TAOK3: variants seen among roughly 807,000 people sequenced by gnomAD.
TAOK3 encodes TAO kinase 3.
TAOK3 carries 40 observed loss-of-function variants against 120.4 expected under a neutral mutation model. The observed-to-expected ratio is 0.33, with a 90% CI of 0.26 to 0.43. The LOEUF is 0.43. TAOK3 is among the 20% of genes least tolerant of loss of function. The pLI, the probability that TAOK3 is intolerant of heterozygous loss-of-function variation, is 1.00. For missense variants in TAOK3, 821 were observed against 1,112.1 expected (o/e 0.74, Z 3.72); for synonymous variants, 355 against 387.5 (o/e 0.92, Z 0.99).
At chr12:118,251,146 A>G (rs1566015125) in intron 3 of TAOK3, among the ~76,000 whole-genome samples, 1 of 152,202 alleles carries the variant, frequency 6.6e-6, no homozygotes, top group Non-Finnish European at 1.5e-5. Context: ...TTTCAAGCTC[A>G]TCGAGGTATG....
chr12:118,167,920 T>A (rs1238811032), intron 17 of TAOK3, among the ~76,000 whole-genome samples: 1 of 152,160 alleles, frequency 6.6e-6, no homozygotes, highest in Admixed American at 6.6e-5. Flanking sequence ...GCTCTTCATG[T>A]TTTCCCGCTC....
At chr12:118,247,761 C>T (rs753413010) in intron 3 of TAOK3, among the ~76,000 whole-genome samples, 15 of 152,118 alleles carry the variant, frequency 9.9e-5, no homozygotes, top group Admixed American at 2.6e-4. Context: ...GTAATCCGCC[C>T]GCATCAGCCT....
At chr12:118,337,460 C>T (rs780644680) in intron 1 of TAOK3, among the ~76,000 whole-genome samples, 6 of 152,146 alleles carry the variant, frequency 3.9e-5, no homozygotes, top group African/African-American at 9.7e-5. Flanking sequence ...AAAACTTGTA[C>T]GAGAATGTTC....
At chr12:118,195,112 G>A (rs573680095) in intron 13 of TAOK3, among the ~76,000 whole-genome samples, 26 of 151,950 alleles carry the variant, frequency 1.7e-4, no homozygotes, top group Middle Eastern at 3.4e-3. Flanking sequence ...ATGAAGTGTT[G>A]TCCCATTAAA....
At chr12:118,229,359 C>G (rs2039658598) in intron 9 of TAOK3, among the ~76,000 whole-genome samples, 1 of 152,112 alleles carries the variant, frequency 6.6e-6, no homozygotes, top group African/African-American at 2.4e-5. Flanking sequence ...CTTGGCCGCC[C>G]AAAGTGCTGG....
intron 10 of TAOK3, among the ~76,000 whole-genome samples, chr12:118,213,523 C>T (rs2038732759): frequency 6.6e-6 from 1 of 151,660 alleles, no homozygotes; most frequent in Non-Finnish European, 1.5e-5. Flanking sequence ...TCTTGTGGCC[C>T]AAATAGTTAT....
intron 1 of TAOK3, among the ~76,000 whole-genome samples, chr12:118,275,641 C>T (rs533806385): frequency 7.2e-5 from 11 of 152,158 alleles, no homozygotes; most frequent in Non-Finnish European, 1.5e-4. Context: ...CTCATTTATT[C>T]ATGTATCATT....
chr12:118,169,298 G>GC, intron 17 of TAOK3, among the ~76,000 whole-genome samples: 1 of 139,180 alleles, frequency 7.2e-6, no homozygotes, highest in African/African-American at 2.8e-5. Context: ...ACAGGCGTGA[G>GC]CCACCACGCC....
chr12:118,323,124 A>G (rs542012911), intron 1 of TAOK3, among the ~76,000 whole-genome samples: 18 of 152,282 alleles, frequency 1.2e-4, no homozygotes, highest in African/African-American at 4.3e-4. Context: ...TCCCATAAAC[A>G]GCTAGGTATA....
chr12:118,172,183 C>T (rs1157213688), intron 17 of TAOK3, among the ~76,000 whole-genome samples: 5 of 152,196 alleles, frequency 3.3e-5, no homozygotes, highest in Non-Finnish European at 7.4e-5. Context: ...TCTTTTGATT[C>T]TTCATTGTGT....
intron 13 of TAOK3, among the ~76,000 whole-genome samples, chr12:118,193,496 A>G (rs2037545674): frequency 1.3e-5 from 2 of 152,246 alleles, no homozygotes; most frequent in African/African-American, 4.8e-5. Context: ...CTTTACTATT[A>G]TACCTTAGAC....
At position 118,161,208 on chromosome 12, in the gene TAOK3, A is replaced by G. The variant is rs2035198297; in HGVS notation, c.2139+580T>C. On this transcript the variant is annotated intron_variant, in intron 18 of 20. Transcript: ENST00000392533. The surrounding 1 kb of genome is among the most constrained non-coding windows in gnomAD (Gnocchi z 4.5). Reference sequence around the variant, plus strand: ...GACAACGTCCTCCCGGATATATAGCAATGGCTTAGTACACAGAGCTTGTTA... The same window carrying G: ...GACAACGTCCTCCCGGATATATAGCGATGGCTTAGTACACAGAGCTTGTTA... 6.6e-6 allele frequency among the ~76,000 whole-genome samples: 1 copy of G among 152,234 alleles called. No individual in the cohort carries two copies. The highest frequency in any genetic ancestry group is 1.5e-5 in the Non-Finnish European group (1 of 68,036).
intron 1 of TAOK3, among the ~76,000 whole-genome samples, chr12:118,276,842 T>G (rs1426491005): frequency 6.6e-6 from 1 of 151,796 alleles, no homozygotes; most frequent in Non-Finnish European, 1.5e-5. Flanking sequence ...CCGTGTCTAC[T>G]AAAAATACAA....
intron 5 of TAOK3, 120 bp from the exon 6 acceptor site, chr12:118,239,392 G>C: frequency 1.7e-6 from 1 of 584,440 alleles, no homozygotes. Context: ...TGATCTACCC[G>C]AACTTGGACT....
At chr12:118,153,050 G>C (rs2034562635) in intron 19 of TAOK3, among the ~76,000 whole-genome samples, 1 of 152,124 alleles carries the variant, frequency 6.6e-6, no homozygotes. Flanking sequence ...AAGTAGTAAT[G>C]TTGGCACCTA....
At chr12:118,234,412 T>C (rs1288395073) in intron 8 of TAOK3, among the ~76,000 whole-genome samples, 1 of 151,540 alleles carries the variant, frequency 6.6e-6, no homozygotes, top group African/African-American at 2.4e-5. Context: ...GCCTGACTAA[T>C]TTTTTGTATT....
intron 5 of TAOK3, among the ~76,000 whole-genome samples, chr12:118,241,078 T>C (rs996227572): frequency 1.3e-5 from 2 of 149,856 alleles, no homozygotes; most frequent in African/African-American, 4.9e-5. Flanking sequence ...TATAATACTA[T>C]TTATATATTA....
Position 118,150,735 on chromosome 12 carries a change from C to T in TAOK3, c.*262G>A. The T allele has an allele frequency of 3.1e-6, 1 of 323,526 alleles. No individual in the cohort carries two copies. Among genetic ancestry groups the T allele is most frequent in the Non-Finnish European group, 5.6e-6 (1 of 178,850 alleles). The allele number at this position is 323,526 out of a possible 1,614,324, so 20.0% of individuals were successfully genotyped here. A position where few individuals can be genotyped will look rare whatever the true frequency, so the allele number is the denominator to read the frequency against. On this transcript the variant is annotated 3_prime_UTR_variant, in exon 21 of 21. Coordinates refer to ENST00000392533, the MANE Select transcript of TAOK3 (RefSeq NM_016281.4). The stretch of plus-strand genomic sequence containing the variant: ...AAGTTTTCACTGAAACATTTTGAAT[C>T]ACATCAATACTGTGACGTGTACTGT...
intron 1 of TAOK3, among the ~76,000 whole-genome samples, chr12:118,312,596 A>G (rs1428780288): frequency 1.3e-5 from 2 of 152,216 alleles, no homozygotes; most frequent in Non-Finnish European, 2.9e-5. Flanking sequence ...AATGTTTTAT[A>G]ATAGAATTAT....
Sources: gnomAD v4.1 joint callset for allele counts (sites outside exome capture counted in the v4.1 genomes callset) on GRCh38, gnomAD v4.1.1 for gene constraint, Gnocchi (gnomAD v3.1) non-coding constraint, MANE v1.5 for transcripts, NCBI Gene and HGNC (gene_info 2026-07-23, HGNC 2026-07-21) for gene names.